Variants in CNTN4 observed in about 807,000 individuals in gnomAD.
CNTN4 encodes contactin 4, also known as contactin-4.
In CNTN4, 77 loss-of-function variants were observed where a neutral mutation model predicts 122.5. That is an observed-to-expected ratio of 0.63 (90% CI 0.52 to 0.76). The LOEUF (loss-of-function observed/expected upper bound fraction) is 0.76, where lower values mean the gene tolerates loss of function less well. Among genes scored for constraint, CNTN4 ranks in the 30% least tolerant of loss-of-function variants. The probability of loss-of-function intolerance (pLI) is 0.00; values close to 1 mark genes in which losing one functional copy is unlikely to be tolerated. For synonymous variants in CNTN4, 512 were observed against 447.0 expected (o/e 1.15, Z -1.83); for missense variants, 1,256 against 1,259.1 (o/e 1.00, Z 0.04).
chr3:2,783,134 A>T (rs537876858), intron 6 of CNTN4, among the ~76,000 whole-genome samples: 106 of 150,310 alleles, frequency 7.1e-4, no homozygotes, highest in Middle Eastern at 3.4e-3. Context: ...TTTTTTTTTT[A>T]AATTAGCAGG....
chr3:3,015,353 G>A (rs561038527), intron 14 of CNTN4, among the ~76,000 whole-genome samples: 7 of 152,016 alleles, frequency 4.6e-5, no homozygotes, highest in African/African-American at 1.2e-4. Flanking sequence ...ACTGTTGGGG[G>A]TGGGGGAGGG....
chr3:2,282,813 C>T (rs2041765593), intron 2 of CNTN4, among the ~76,000 whole-genome samples: 1 of 151,944 alleles, frequency 6.6e-6, no homozygotes, highest in Admixed American at 6.6e-5. Context: ...ATTATTCAGG[C>T]ATAAAAAGGA....
chr3:2,495,670 C>G (rs753017337), intron 3 of CNTN4, among the ~76,000 whole-genome samples: 3 of 152,112 alleles, frequency 2.0e-5, no homozygotes, highest in African/African-American at 7.2e-5. Context: ...GAACTGCATA[C>G]GAGGGATCTA....
At chr3:2,839,674 A>G (rs1040667712) in intron 7 of CNTN4, among the ~76,000 whole-genome samples, 4 of 152,180 alleles carry the variant, frequency 2.6e-5, no homozygotes, top group Non-Finnish European at 4.4e-5. Context: ...GAGGAAGTAA[A>G]GAGTACACAT....
rs147168412 is a variant in CNTN4, at chr3:2,749,200, G to A, written c.358+3503G>A. Reference sequence around the variant, plus strand: ...ATTTTTTGAGACTGAGTCTTGCTCCGTCGCCCTAGCTGGAGTGCAGTGGTG... The same window carrying A: ...ATTTTTTGAGACTGAGTCTTGCTCCATCGCCCTAGCTGGAGTGCAGTGGTG... On this transcript the variant is annotated intron_variant, in intron 6 of 24. Transcript: ENST00000418658. Among the ~76,000 whole-genome samples, 488 of 151,900 alleles carry A rather than the reference G, an allele frequency of 3.2e-3. 5 individuals carry two copies. The highest frequency in any genetic ancestry group is 0.011 in the African/African-American group (467 of 41,414).
intron 9 of CNTN4, among the ~76,000 whole-genome samples, chr3:2,886,589 G>A (rs868110600): frequency 1.2e-3 from 169 of 144,866 alleles, no homozygotes; most frequent in African/African-American, 4.1e-3. Context: ...TTGGCTCACT[G>A]CAACCTCCGC....
chr3:2,261,373 A>G (rs1472253726), intron 2 of CNTN4, among the ~76,000 whole-genome samples: 1 of 152,130 alleles, frequency 6.6e-6, no homozygotes, highest in Admixed American at 6.6e-5. Context: ...CCTTGTCTTA[A>G]TGGCATGGAT....
intron 2 of CNTN4, among the ~76,000 whole-genome samples, chr3:2,220,657 G>C (rs1448582780): frequency 6.6e-6 from 1 of 151,900 alleles, no homozygotes; most frequent in African/African-American, 2.4e-5. Flanking sequence ...TTGATCATCT[G>C]AAAAAAGGAA....
chr3:2,482,372 G>T (rs1259379815), intron 3 of CNTN4, among the ~76,000 whole-genome samples: 1 of 152,048 alleles, frequency 6.6e-6, no homozygotes, highest in Non-Finnish European at 1.5e-5. Flanking sequence ...AAGTAACAAA[G>T]GGTTCAAGAG....
chr3:2,808,232 A>G (rs1297384171), intron 6 of CNTN4, among the ~76,000 whole-genome samples: 1 of 152,096 alleles, frequency 6.6e-6, no homozygotes, highest in Non-Finnish European at 1.5e-5. Context: ...GTCTCCATTT[A>G]GTAATATGTT....
chr3:2,593,661 A>C (rs368936523), intron 4 of CNTN4, among the ~76,000 whole-genome samples: 19 of 152,322 alleles, frequency 1.2e-4, no homozygotes, highest in African/African-American at 4.6e-4. Context: ...CACAGCTTAT[A>C]CCTAAACATG....
rs1470101107 is a variant in CNTN4, at chr3:2,491,983, TA to T, written c.-88-79432del. On this transcript the variant is annotated intron_variant, in intron 3 of 24. Coordinates refer to ENST00000418658, the MANE Select transcript of CNTN4 (RefSeq NM_175607.3). ...ATTATCTTAAGTCTTTGTTTTTTTT[TA>T]GTTACCTGTGAATCAGAAAATGAGG... Among the ~76,000 whole-genome samples the T allele has an allele frequency of 3.3e-5, 5 of 152,334 alleles. 1 individual carries two copies. Among genetic ancestry groups the T allele is most frequent in the African/African-American group, 1.2e-4 (5 of 41,586 alleles).
At chr3:2,979,537 C>T (rs915775480) in intron 13 of CNTN4, among the ~76,000 whole-genome samples, 16 of 151,686 alleles carry the variant, frequency 1.1e-4, no homozygotes, top group Non-Finnish European at 2.1e-4. Flanking sequence ...CACTTTCAGG[C>T]TTTCAGCTTT....
chr3:2,352,208 G>A (rs556386384), intron 3 of CNTN4, among the ~76,000 whole-genome samples: 6 of 151,960 alleles, frequency 3.9e-5, no homozygotes, highest in African/African-American at 7.2e-5. Flanking sequence ...GGCTAACACC[G>A]TGAAACGCCG....
intron 4 of CNTN4, among the ~76,000 whole-genome samples, chr3:2,628,729 T>A (rs1258612600): frequency 6.6e-6 from 1 of 152,240 alleles, no homozygotes; most frequent in Non-Finnish European, 1.5e-5. Flanking sequence ...GTGTCTGATG[T>A]GTAGACAGTG....
At chr3:3,043,231 C>A (rs1700324279) in intron 22 of CNTN4, 68 bp downstream of exon 22, 1 of 1,404,558 alleles carries the variant, frequency 7.1e-7, no homozygotes, top group African/African-American at 1.4e-5. Flanking sequence ...ATTCCTTATC[C>A]CCACCTCCCA....
At chr3:2,953,956 ATAAG>A (rs1471717595) in intron 13 of CNTN4, among the ~76,000 whole-genome samples, 1 of 152,236 alleles carries the variant, frequency 6.6e-6, no homozygotes, top group East Asian at 1.9e-4. Flanking sequence ...TATCTAGGAA[ATAAG>A]TTTTCTAAAT....
At chr3:2,598,922 G>A (rs2080897261) in intron 4 of CNTN4, among the ~76,000 whole-genome samples, 1 of 152,062 alleles carries the variant, frequency 6.6e-6, no homozygotes, top group Non-Finnish European at 1.5e-5. Context: ...ATTTTCAAAT[G>A]GGAGAAGATT....
chr3:2,837,692 C>G (rs2093258548), intron 7 of CNTN4, among the ~76,000 whole-genome samples: 1 of 152,148 alleles, frequency 6.6e-6, no homozygotes. Flanking sequence ...TTCAAGTTGA[C>G]ACAGCTTCTA....
Sources: allele counts gnomAD v4.1 joint callset (sites outside exome capture counted in the v4.1 genomes callset), GRCh38; gene constraint gnomAD v4.1.1; transcripts MANE v1.5; gene names NCBI Gene and HGNC (gene_info 2026-07-23, HGNC 2026-07-21).